Variants in FBXO42 observed in about 807,000 individuals in gnomAD.
FBXO42 encodes F-box only protein 42.
A neutral mutation model predicts 71.7 loss-of-function variants in FBXO42; 12 were observed. That is an observed-to-expected ratio of 0.17 (90% CI 0.11 to 0.27). The LOEUF is 0.27. Among genes scored for constraint, FBXO42 ranks in the 10% least tolerant of loss-of-function variants. The pLI is 1.00. For missense variants in FBXO42, 707 were observed against 911.9 expected (o/e 0.78, Z 2.89); for synonymous variants, 325 against 327.5 (o/e 0.99, Z 0.08).
chr1:16,333,267 T>A (rs2082519350), intron 1 of FBXO42, among the ~76,000 whole-genome samples: 1 of 152,200 alleles, frequency 6.6e-6, no homozygotes, highest in South Asian at 2.1e-4. Flanking sequence ...GTTTCTACTT[T>A]TCACCACTTC....
chr1:16,305,769 C>G, intron 3 of FBXO42, 34 bp downstream of exon 3: 1 of 1,543,466 alleles, frequency 6.5e-7, no homozygotes, highest in South Asian at 1.1e-5. Context: ...TGACCACAGG[C>G]AGGGTGGAAT....
At chr1:16,343,806 G>C (rs1023613054) in intron 1 of FBXO42, among the ~76,000 whole-genome samples, 8 of 149,744 alleles carry the variant, frequency 5.3e-5, no homozygotes, top group Non-Finnish European at 1.0e-4. Context: ...CTGGGTGACA[G>C]AGACTACGTC....
intron 3 of FBXO42, among the ~76,000 whole-genome samples, chr1:16,299,329 T>C (rs922212147): frequency 5.3e-5 from 8 of 152,094 alleles, no homozygotes; most frequent in African/African-American, 1.9e-4. Flanking sequence ...TCTTCTCTAT[T>C]TGGACTGAAA....
In FBXO42 at chr1:16,252,456, A is replaced by G; in HGVS notation, c.922-52T>C. ...ACTCAGGTGTGATATGCGTTCCAAA[A>G]CACACACACACAGAGTTGCAGTCTC... is the stretch of plus-strand genomic sequence containing the variant. On this transcript the variant is annotated intron_variant, in intron 8 of 9. Coordinates refer to ENST00000375592, the MANE Select transcript of FBXO42 (RefSeq NM_018994.3). The surrounding 1 kb of genome is among the most constrained non-coding windows in gnomAD (Gnocchi z 4.4). 1 of 1,159,340 alleles carries G rather than the reference A, an allele frequency of 8.6e-7. No individual in the cohort carries two copies. The highest frequency in any genetic ancestry group is 1.3e-6 in the Non-Finnish European group (1 of 795,750). 71.8% of individuals were successfully genotyped at this position (1,159,340 alleles called of 1,614,324 possible). A position where few individuals can be genotyped will look rare whatever the true frequency, so the allele number is the denominator to read the frequency against.
rs564202346 is a variant in FBXO42, at chr1:16,315,324, G to A, written c.95C>T (p.Pro32Leu). 2.1e-5 allele frequency: 34 copies of A among 1,614,076 alleles called. No individual in the cohort carries two copies. In the South Asian group the frequency reaches 3.3e-4, roughly 16 times the overall value. ...LEGTMDQDEE[P>L]HPVLEAEETR... ...CTCCTCAGCCTCCAATACTGGGTGG[G>A]GCTCCTCATCTTGATCCATTGTCCC... The change falls in exon 2 of 10, where the codon CCC (proline) becomes CTC (leucine). Residue 32 changes from proline to leucine, a missense_variant. Coordinates refer to ENST00000375592, the MANE Select transcript of FBXO42 (RefSeq NM_018994.3).
intron 2 of FBXO42, among the ~76,000 whole-genome samples, chr1:16,307,857 C>T (rs1485068439): frequency 6.6e-6 from 1 of 152,158 alleles, no homozygotes; most frequent in Non-Finnish European, 1.5e-5. Flanking sequence ...GATGTCAGTT[C>T]TTCCCAACTT....
At chr1:16,306,276 C>A (rs1482783793) in intron 2 of FBXO42, among the ~76,000 whole-genome samples, 2 of 152,110 alleles carry the variant, frequency 1.3e-5, no homozygotes, top group African/African-American at 2.4e-5. Context: ...CTCGGCCTTC[C>A]AAAGTGCTGA....
At chr1:16,322,980 CT>C (rs2100591750) in intron 1 of FBXO42, among the ~76,000 whole-genome samples, 1 of 152,304 alleles carries the variant, frequency 6.6e-6, no homozygotes, top group South Asian at 2.1e-4. Context: ...AGTTTTTTGC[CT>C]TTGGTTTCTA....
At position 16,334,232 on chromosome 1, in the gene FBXO42, G is replaced by A. The variant is rs578190027; in HGVS notation, c.-18+18023C>T. ...GCAGATCATGAGGTCAGGAGATCGA[G>A]ACCATCCTGGTTAACACGGTGAAAC... is the stretch of plus-strand genomic sequence containing the variant. On this transcript the variant is annotated intron_variant, in intron 1 of 9. Transcript: ENST00000375592. 1.3e-5 allele frequency among the ~76,000 whole-genome samples: 2 copies of A among 152,138 alleles called. 1 individual carries two copies. The highest frequency in any genetic ancestry group is 4.1e-4 in the South Asian group (2 of 4,820).
intron 1 of FBXO42, among the ~76,000 whole-genome samples, chr1:16,328,868 A>G (rs954938572): frequency 9.2e-5 from 14 of 152,144 alleles, no homozygotes; most frequent in African/African-American, 3.1e-4. Context: ...AAAACAAAAG[A>G]AAATTGATGG....
At chr1:16,256,394 T>A (rs2081645189) in intron 5 of FBXO42, among the ~76,000 whole-genome samples, 1 of 152,204 alleles carries the variant, frequency 6.6e-6, no homozygotes, top group African/African-American at 2.4e-5. Context: ...CTCTTTAGAA[T>A]AAGGATTCTA....
chr1:16,303,404 T>C (rs922544677), intron 3 of FBXO42, among the ~76,000 whole-genome samples: 1 of 152,232 alleles, frequency 6.6e-6, no homozygotes, highest in South Asian at 2.1e-4. Context: ...GCCTACTTCA[T>C]GTTTATACTG....
intron 4 of FBXO42, among the ~76,000 whole-genome samples, chr1:16,269,388 CT>C (rs144354564): frequency 0.02 from 2,813 of 139,704 alleles, 60 homozygotes; most frequent in African/African-American, 0.058. Flanking sequence ...CGAACCCAGA[CT>C]TTTTTTTTTT....
intron 1 of FBXO42, among the ~76,000 whole-genome samples, chr1:16,323,080 AT>A (rs1314943474): frequency 4.6e-5 from 7 of 152,268 alleles, no homozygotes; most frequent in Non-Finnish European, 1.0e-4. Flanking sequence ...GAAGCTGAAC[AT>A]TTAAAATGCA....
intron 1 of FBXO42, among the ~76,000 whole-genome samples, chr1:16,321,802 C>G (rs1557601404): frequency 6.6e-6 from 1 of 152,082 alleles, no homozygotes; most frequent in Non-Finnish European, 1.5e-5. Context: ...AAGTGATCCT[C>G]CTGTCCCAAT....
At chr1:16,288,582 G>T (rs2082046017) in intron 4 of FBXO42, among the ~76,000 whole-genome samples, 1 of 151,706 alleles carries the variant, frequency 6.6e-6, no homozygotes, top group Admixed American at 6.6e-5. Context: ...TTCAGCAAAT[G>T]GCCCCACCAT....
At chr1:16,307,328 A>T (rs2082262428) in intron 2 of FBXO42, among the ~76,000 whole-genome samples, 2 of 152,046 alleles carry the variant, frequency 1.3e-5, no homozygotes, top group African/African-American at 2.4e-5. Context: ...GCAAGACCCC[A>T]TTTCTCTGCA....
intron 1 of FBXO42, among the ~76,000 whole-genome samples, chr1:16,341,928 G>T (rs188353462): frequency 6.9e-6 from 1 of 144,108 alleles, no homozygotes; most frequent in East Asian, 2.1e-4. Flanking sequence ...CCAAGATCGC[G>T]TCATTGTACT....
At chr1:16,260,581 T>C (rs1417423806) in intron 4 of FBXO42, among the ~76,000 whole-genome samples, 1 of 152,230 alleles carries the variant, frequency 6.6e-6, no homozygotes, top group Non-Finnish European at 1.5e-5. Flanking sequence ...CCTAGTTTTA[T>C]TCCTATTTTA....
Sources: allele counts gnomAD v4.1 joint callset (sites outside exome capture counted in the v4.1 genomes callset), GRCh38; gene constraint gnomAD v4.1.1; non-coding constraint Gnocchi (gnomAD v3.1); transcripts MANE v1.5; gene names NCBI Gene and HGNC (gene_info 2026-07-23, HGNC 2026-07-21).